COL21A1: variants seen among roughly 807,000 people sequenced by gnomAD.
COL21A1 encodes the protein collagen type XXI alpha 1 chain, also known as collagen alpha-1(XXI) chain.
A neutral mutation model predicts 137.9 loss-of-function variants in COL21A1; 149 were observed. The observed-to-expected ratio is 1.08, with a 90% CI of 0.95 to 1.24. The LOEUF (loss-of-function observed/expected upper bound fraction) is 1.24, where lower values mean the gene tolerates loss of function less well. Ranked by LOEUF, COL21A1 falls within the 50% of genes most tolerant of loss-of-function variation. COL21A1 has a pLI of 0.00. For missense variants in COL21A1, 1,167 were observed against 1,158.4 expected (o/e 1.01, Z -0.11); for synonymous variants, 456 against 391.5 (o/e 1.16, Z -1.95).
chr6:56,349,262 G>A (rs1181043875), intron 1 of COL21A1, among the ~76,000 whole-genome samples: 2 of 151,934 alleles, frequency 1.3e-5, no homozygotes, highest in Non-Finnish European at 2.9e-5. Context: ...AAAACGGATT[G>A]AGGTAAGAAA....
intron 24 of COL21A1, among the ~76,000 whole-genome samples, chr6:56,064,256 T>C (rs1354420765): frequency 6.6e-6 from 1 of 152,060 alleles, no homozygotes; most frequent in Non-Finnish European, 1.5e-5. Context: ...CAAGCTGCCA[T>C]TGTGTGACTG....
At chr6:56,070,352 G>C (rs199595927) in intron 21 of COL21A1, among the ~76,000 whole-genome samples, 2 of 151,456 alleles carry the variant, frequency 1.3e-5, no homozygotes, top group East Asian at 3.9e-4. Context: ...GGAGGAAACT[G>C]GTAAAGGCTA....
chr6:56,068,947 T>C, intron 22 of COL21A1, 99 bp downstream of exon 22: 2 of 747,644 alleles, frequency 2.7e-6, no homozygotes, highest in Non-Finnish European at 4.5e-6. Context: ...TCATTAAAAA[T>C]ATATTAATAA....
At position 56,305,156 on chromosome 6, in the gene COL21A1, T is replaced by C. The variant is rs185482828; in HGVS notation, c.-39+88815A>G. Among the ~76,000 whole-genome samples, 815 of 152,322 alleles carry C rather than the reference T, an allele frequency of 5.4e-3. 5 individuals carry two copies. The highest frequency in any genetic ancestry group is 0.034 in the Middle Eastern group (10 of 294). The stretch of plus-strand genomic sequence containing the variant: ...CTGAGGAATGCTTTACTTCCAACTA[T>C]GTGGTCAATTTTGGAATAAGTGTGG... On this transcript the variant is annotated intron_variant, in intron 1 of 28. Coordinates refer to the COL21A1 transcript ENST00000370819.
At chr6:56,156,030 G>A (rs985543232) in intron 10 of COL21A1, among the ~76,000 whole-genome samples, 2 of 152,172 alleles carry the variant, frequency 1.3e-5, no homozygotes, top group African/African-American at 4.8e-5. Flanking sequence ...GAGCCTTAGA[G>A]GATATTGTAT....
intron 1 of COL21A1, among the ~76,000 whole-genome samples, chr6:56,330,620 G>A (rs1042985462): frequency 6.6e-6 from 1 of 152,030 alleles, no homozygotes; most frequent in African/African-American, 2.4e-5. Flanking sequence ...AATAAACATT[G>A]TACCCAATAA....
rs1310269163 is a variant in COL21A1, at chr6:56,168,177, T to A, written c.1147A>T (p.Ile383Phe). 5 of 1,553,290 alleles carry A rather than the reference T, an allele frequency of 3.2e-6. No individual in the cohort carries two copies. Among genetic ancestry groups the A allele is most frequent in the Middle Eastern group, 1.7e-4 (1 of 5,976 alleles). The change falls in exon 6 of 30, where the codon ATC (isoleucine) becomes TTC (phenylalanine). Residue 383 changes from isoleucine (I) to phenylalanine (F), a missense_variant. By Grantham distance (21) the Ile-to-Phe change is conservative. Coordinates refer to ENST00000244728, the MANE Select transcript of COL21A1 (RefSeq NM_030820.4). Reference protein sequence around the residue: ...KPLHPVLGILINGQTQIGKYS... With the variant: ...KPLHPVLGILFNGQTQIGKYS... ...TTTCCAATTTGGGTTTGCCCATTGA[T>A]CAAGATCCCTAAAACTGGATGTAAG...
chr6:56,233,657 C>T (rs1248740597), intron 1 of COL21A1, among the ~76,000 whole-genome samples: 3 of 150,604 alleles, frequency 2.0e-5, no homozygotes, highest in African/African-American at 4.9e-5. Context: ...AGGAGAGAAA[C>T]GGTAAAGGAA....
intron 1 of COL21A1, among the ~76,000 whole-genome samples, chr6:56,239,661 A>G (rs1274540721): frequency 6.6e-6 from 1 of 152,188 alleles, no homozygotes. Flanking sequence ...ATCATGAAAA[A>G]GAGTTTACAA....
At chr6:56,084,597 T>A (rs1007624846) in intron 17 of COL21A1, among the ~76,000 whole-genome samples, 1 of 151,938 alleles carries the variant, frequency 6.6e-6, no homozygotes, top group Non-Finnish European at 1.5e-5. Flanking sequence ...AAGGATTAGA[T>A]AAAACTAATA....
chr6:56,348,588 A>G (rs1765643942), intron 1 of COL21A1, among the ~76,000 whole-genome samples: 1 of 152,182 alleles, frequency 6.6e-6, no homozygotes, highest in Non-Finnish European at 1.5e-5. Context: ...ATTCTAGGAC[A>G]ACAAAAGAGG....
At chr6:56,299,057 A>C (rs1764223634) in intron 1 of COL21A1, among the ~76,000 whole-genome samples, 1 of 152,158 alleles carries the variant, frequency 6.6e-6, no homozygotes, top group African/African-American at 2.4e-5. Context: ...GAGAGAGAGC[A>C]GGGACACAAA....
intron 17 of COL21A1, among the ~76,000 whole-genome samples, chr6:56,090,672 C>T (rs1768723131): frequency 1.3e-5 from 2 of 151,920 alleles, no homozygotes; most frequent in Admixed American, 1.3e-4. Context: ...AACATAATTA[C>T]TATGACAATA....
At chr6:56,154,428 C>T (rs1053910987) in intron 10 of COL21A1, among the ~76,000 whole-genome samples, 2 of 152,164 alleles carry the variant, frequency 1.3e-5, no homozygotes, top group Admixed American at 1.3e-4. Context: ...GTAAATGGCA[C>T]CACAATTCAC....
Position 56,243,685 on chromosome 6 carries a change from T to A in COL21A1, c.-39+3702A>T, listed in dbSNP as rs1782480837. Among the ~76,000 whole-genome samples the A allele has an allele frequency of 2.6e-5, 4 of 152,314 alleles. No individual in the cohort carries two copies. In the East Asian group the frequency reaches 7.7e-4, roughly 29 times the overall value. On this transcript the variant is annotated intron_variant, in intron 1 of 29. Transcript: ENST00000244728. ...TCACAACAGCCCTACTGAGGTAGGT[T>A]CTACTTCCCCAATTTTACCAATGAG... is the stretch of plus-strand genomic sequence containing the variant.
intron 1 of COL21A1, among the ~76,000 whole-genome samples, chr6:56,295,410 A>G (rs1268358966): frequency 6.6e-6 from 1 of 151,894 alleles, no homozygotes; most frequent in African/African-American, 2.4e-5. Context: ...TTCTCCTTCA[A>G]TATGTTTTTA....
At chr6:56,341,366 G>A (rs185572817) in intron 1 of COL21A1, among the ~76,000 whole-genome samples, 1 of 152,232 alleles carries the variant, frequency 6.6e-6, no homozygotes, top group Non-Finnish European at 1.5e-5. Context: ...AATTACATTT[G>A]TTGTGGTAAA....
intron 1 of COL21A1, among the ~76,000 whole-genome samples, chr6:56,374,516 A>G (rs1016906187): frequency 3.3e-5 from 5 of 152,280 alleles, no homozygotes; most frequent in African/African-American, 2.4e-5. Flanking sequence ...CAAGGTCAAG[A>G]GATTGAGACC....
intron 1 of COL21A1, among the ~76,000 whole-genome samples, chr6:56,323,058 A>G (rs541447813): frequency 1.3e-5 from 2 of 152,222 alleles, no homozygotes; most frequent in African/African-American, 4.8e-5. Context: ...ATGAAATATT[A>G]CCTATTGGGT....
Sources: allele counts gnomAD v4.1 joint callset (sites outside exome capture counted in the v4.1 genomes callset), GRCh38; gene constraint gnomAD v4.1.1; transcripts MANE v1.5; gene names NCBI Gene and HGNC (gene_info 2026-07-23, HGNC 2026-07-21).